The following KAZN variants were observed in gnomAD, a reference collection of about 807,000 sequenced individuals.
KAZN encodes the protein kazrin.
KAZN carries 40 observed loss-of-function variants against 87.4 expected under a neutral mutation model. That is an observed-to-expected ratio of 0.46 (90% CI 0.36 to 0.60). The LOEUF is 0.60. Ranked by LOEUF, KAZN falls within the 20% of genes least tolerant of loss-of-function variation. The pLI, the probability that KAZN is intolerant of heterozygous loss-of-function variation, is 0.00. For synonymous variants in KAZN, 466 were observed against 458.3 expected (o/e 1.02, Z -0.22); for missense variants, 898 against 1,073.9 (o/e 0.84, Z 2.29).
intron 2 of KAZN, among the ~76,000 whole-genome samples, chr1:14,261,438 T>A (rs1349276728): frequency 1.3e-5 from 2 of 152,182 alleles, no homozygotes; most frequent in Non-Finnish European, 2.9e-5. Context: ...GTCCTCAGGA[T>A]GGAGCTGAAT....
At chr1:13,955,349 C>G (rs1641505516) in intron 1 of KAZN, among the ~76,000 whole-genome samples, 1 of 151,998 alleles carries the variant, frequency 6.6e-6, no homozygotes, top group African/African-American at 2.4e-5. Context: ...TTTTTATTGC[C>G]TATTTTACTG....
chr1:14,233,624 A>G (rs1474352860), intron 2 of KAZN, among the ~76,000 whole-genome samples: 1 of 152,222 alleles, frequency 6.6e-6, no homozygotes, highest in Non-Finnish European at 1.5e-5. Flanking sequence ...ATCTCCATAG[A>G]GCACCCAGGA....
At chr1:14,740,138 C>T (rs1414534497) in intron 1 of KAZN, among the ~76,000 whole-genome samples, 2 of 152,078 alleles carry the variant, frequency 1.3e-5, no homozygotes, top group African/African-American at 2.4e-5. Context: ...TGGCAAATAC[C>T]CTGCAGCCCC....
chr1:15,077,786 C>G lies in KAZN; in HGVS notation c.1222+12033C>G, dbSNP rs923614552. Among the ~76,000 whole-genome samples the G allele has an allele frequency of 6.6e-6, 1 of 152,114 alleles. No homozygotes were observed. The highest frequency in any genetic ancestry group is 6.5e-5 in the Admixed American group (1 of 15,276). ...AGCAGCTGCAGGCCTCCCAGGGATGCGGACAGGGGCTCAGAATGAGGAATG... is the reference window on the plus strand; with the variant it reads ...AGCAGCTGCAGGCCTCCCAGGGATGGGGACAGGGGCTCAGAATGAGGAATG... On this transcript the variant is annotated intron_variant, in intron 8 of 14. Transcript: ENST00000376030. The surrounding 1 kb of genome is among the most constrained non-coding windows in gnomAD (Gnocchi z 4.8).
chr1:14,712,082 G>A (rs758589371), intron 1 of KAZN, among the ~76,000 whole-genome samples: 1 of 152,192 alleles, frequency 6.6e-6, no homozygotes, highest in Non-Finnish European at 1.5e-5. Flanking sequence ...GGGATAAGGG[G>A]AGAAAGGGTT....
At chr1:14,058,406 C>T (rs1642662429) in intron 1 of KAZN, among the ~76,000 whole-genome samples, 1 of 152,104 alleles carries the variant, frequency 6.6e-6, no homozygotes, top group African/African-American at 2.4e-5. Context: ...TGCTACTGGC[C>T]TCTCTAGGGC....
chr1:14,441,288 A>G (rs754362329), intron 2 of KAZN, among the ~76,000 whole-genome samples: 45 of 151,962 alleles, frequency 3.0e-4, no homozygotes, highest in Non-Finnish European at 4.6e-4. Flanking sequence ...TATATTTTAA[A>G]CCCTGAAACT....
intron 1 of KAZN, among the ~76,000 whole-genome samples, chr1:14,614,498 C>G (rs1678065364): frequency 6.6e-6 from 1 of 152,208 alleles, no homozygotes; most frequent in African/African-American, 2.4e-5. Flanking sequence ...GAGAGCTCTG[C>G]AGCAGGACAT....
intron 1 of KAZN, among the ~76,000 whole-genome samples, chr1:14,848,408 C>T (rs1338735883): frequency 1.3e-5 from 2 of 152,158 alleles, no homozygotes; most frequent in Non-Finnish European, 2.9e-5. Flanking sequence ...GTGCAGTGTG[C>T]CCACCACCGT....
At chr1:14,090,684 A>G (rs1455260658) in intron 1 of KAZN, among the ~76,000 whole-genome samples, 1 of 152,186 alleles carries the variant, frequency 6.6e-6, no homozygotes, top group Non-Finnish European at 1.5e-5. Flanking sequence ...ATGTGTTTCT[A>G]CACTGACTGG....
intron 2 of KAZN, among the ~76,000 whole-genome samples, chr1:15,027,112 C>T (rs552959880): frequency 8.0e-4 from 79 of 99,056 alleles, no homozygotes; most frequent in Non-Finnish European, 1.1e-3. Context: ...GACAGAGTCT[C>T]GCTCTGTCGC....
intron 1 of KAZN, among the ~76,000 whole-genome samples, chr1:14,816,326 T>G (rs2100805879): frequency 6.6e-6 from 1 of 152,294 alleles, no homozygotes; most frequent in Middle Eastern, 3.4e-3. Flanking sequence ...GCAATCCTTG[T>G]GACATTGGCT....
At chr1:14,414,015 G>A (rs976944697) in intron 2 of KAZN, among the ~76,000 whole-genome samples, 1 of 152,186 alleles carries the variant, frequency 6.6e-6, no homozygotes, top group Non-Finnish European at 1.5e-5. Flanking sequence ...ATGCCTGGCA[G>A]GAACCTTCTC....
At chr1:15,106,174 C>A (rs1392393536) in intron 13 of KAZN, among the ~76,000 whole-genome samples, 4 of 152,074 alleles carry the variant, frequency 2.6e-5, no homozygotes, top group Admixed American at 2.6e-4. Flanking sequence ...CCCAGCTACT[C>A]AGGAGGCTGA....
At chr1:14,890,633 T>C (rs1205822908) in intron 1 of KAZN, among the ~76,000 whole-genome samples, 4 of 152,202 alleles carry the variant, frequency 2.6e-5, no homozygotes, top group African/African-American at 7.2e-5. Flanking sequence ...TTTCTCAGTA[T>C]ACAGACTTCC....
At chr1:13,893,900 T>A in intron 1 of KAZN, 1 of 1,015,544 alleles carries the variant, frequency 9.8e-7, no homozygotes, top group Non-Finnish European at 1.4e-6. Flanking sequence ...ATGTAAGACT[T>A]AACTAGCTAG....
Position 14,163,611 on chromosome 1 carries a change from T to C in KAZN, c.92-16824T>C, listed in dbSNP as rs575519128. On this transcript the variant is annotated intron_variant, in intron 1 of 16. Transcript: ENST00000636203. Reference sequence around the variant, plus strand: ...AAAACTGCTGATCACCAGCTTCAGGTGTTTTCTATGTATTGGGAGACTGCC... The same window carrying C: ...AAAACTGCTGATCACCAGCTTCAGGCGTTTTCTATGTATTGGGAGACTGCC... Among the ~76,000 whole-genome samples, 52 of 152,244 alleles carry C rather than the reference T, an allele frequency of 3.4e-4. No homozygotes were observed. In the South Asian group the frequency reaches 0.01, roughly 30 times the overall value.
At position 14,302,638 on chromosome 1, in the gene KAZN, C is replaced by A. The variant is rs937394237; in HGVS notation, c.249+122046C>A. Among the ~76,000 whole-genome samples, 6 of 152,004 alleles carry A rather than the reference C, an allele frequency of 3.9e-5. No individual in the cohort carries two copies. The South Asian group carries it at 1.2e-3, about 32-fold the overall frequency. On this transcript the variant is annotated intron_variant, in intron 2 of 16. Coordinates refer to the KAZN transcript ENST00000636203. ...GAAATTACATGGCAAATGGTGTGTA[C>A]AAGTGTCCATATACAATGATCTAGG...
At chr1:14,170,991 T>C (rs1645943774) in intron 1 of KAZN, among the ~76,000 whole-genome samples, 1 of 152,196 alleles carries the variant, frequency 6.6e-6, no homozygotes, top group South Asian at 2.1e-4. Flanking sequence ...GGATTACGGG[T>C]GTGAGCCACC....
Sources: gnomAD v4.1 joint callset for allele counts (sites outside exome capture counted in the v4.1 genomes callset) on GRCh38, gnomAD v4.1.1 for gene constraint, Gnocchi (gnomAD v3.1) non-coding constraint, MANE v1.5 for transcripts, NCBI Gene and HGNC (gene_info 2026-07-23, HGNC 2026-07-21) for gene names.